The following ZBTB11 variants were observed in gnomAD, a reference collection of about 807,000 sequenced individuals.
The protein encoded by ZBTB11 is zinc finger and BTB domain containing 11, also known as zinc finger and BTB domain-containing protein 11.
In ZBTB11, 68 loss-of-function variants were observed where a neutral mutation model predicts 113.1. The observed-to-expected ratio is 0.60, with a 90% CI of 0.49 to 0.74. The LOEUF (loss-of-function observed/expected upper bound fraction) is 0.74, where lower values mean the gene tolerates loss of function less well. Ranked by LOEUF, ZBTB11 falls within the 30% of genes least tolerant of loss-of-function variation. The pLI, the probability that ZBTB11 is intolerant of heterozygous loss-of-function variation, is 0.00. For missense variants in ZBTB11, 1,104 were observed against 1,279.4 expected, an observed-to-expected ratio of 0.86 and a Z score of 2.09; for synonymous variants, 518 against 452.6, an observed-to-expected ratio of 1.14 and a Z score of -1.83.
rs1477220157 is a variant in ZBTB11 at position 101,676,676 on chromosome 3, A to T, written c.239T>A (p.Leu80Gln). The change falls in exon 1 of 11, where the codon CTG (leucine) becomes CAG (glutamine). Residue 80 changes from leucine (L) to glutamine (Q), a missense_variant. Around this residue, in one of 5 missense-constraint regions of ZBTB11, gnomAD observed 245 missense variants for 272.5 expected, o/e 0.90. Coordinates refer to ENST00000312938, the MANE Select transcript of ZBTB11 (RefSeq NM_014415.4). Reference sequence around the variant, plus strand: ...GGTGTGGTGAGTGCCGCCGGGACCCAGGTGCGCCGCCTCGATGAGGTCCCG... The same window carrying T: ...GGTGTGGTGAGTGCCGCCGGGACCCTGGTGCGCCGCCTCGATGAGGTCCCG... ...RRRDLIEAAH[L>Q]GPGGTHHTRH... 2 of 1,594,814 alleles carry T rather than the reference A, an allele frequency of 1.3e-6. No individual in the cohort carries two copies. The highest frequency in any genetic ancestry group is 2.2e-5 in the South Asian group (2 of 89,202).
chr3:101,652,311 A>C (rs781367913), intron 10 of ZBTB11, among the ~76,000 whole-genome samples, 185 bp downstream of exon 10: 1 of 152,186 alleles, frequency 6.6e-6, no homozygotes, highest in Non-Finnish European at 1.5e-5. Context: ...AATTAAGTTC[A>C]CTAAAAAAGG....
chr3:101,669,594 A>G (rs530832287), intron 3 of ZBTB11, among the ~76,000 whole-genome samples: 43 of 152,314 alleles, frequency 2.8e-4, no homozygotes, highest in Middle Eastern at 3.4e-3. Flanking sequence ...CAAAGCAAAC[A>G]TATCAAAAGA....
intron 1 of ZBTB11, among the ~76,000 whole-genome samples, chr3:101,674,003 A>AT (rs2108328789): frequency 6.6e-6 from 1 of 151,004 alleles, no homozygotes; most frequent in African/African-American, 2.4e-5. Context: ...TTAACCTAGG[A>AT]ATTTGTCAAA....
rs758744809 is a variant in ZBTB11, at chr3:101,676,953, G to C, written c.-39C>G. ...TCCCTGAGGGCGCCTGTCAGGGACA[G>C]GTGAGGAAAACGGCCCGCTACCTAC... On this transcript the variant is annotated 5_prime_UTR_variant, in exon 1 of 11. Coordinates refer to ENST00000312938, the MANE Select transcript of ZBTB11 (RefSeq NM_014415.4). 6 of 1,509,868 alleles carry C rather than the reference G, an allele frequency of 4.0e-6. No homozygotes were observed. Among genetic ancestry groups the C allele is most frequent in the Non-Finnish European group, 5.3e-6 (6 of 1,128,802 alleles). The allele number at this position is 1,509,868 out of a possible 1,614,324, so 93.5% of individuals were successfully genotyped here. A position where few individuals can be genotyped will look rare whatever the true frequency, so the allele number is the denominator to read the frequency against.
intron 1 of ZBTB11, among the ~76,000 whole-genome samples, chr3:101,672,493 T>C (rs966725484): frequency 6.6e-6 from 1 of 152,220 alleles, no homozygotes; most frequent in Admixed American, 6.5e-5. Context: ...TTCATGTGAG[T>C]TGCAATGTTT....
Position 101,667,047 on chromosome 3 carries a change from G to T in ZBTB11, c.779-1239C>A, listed in dbSNP as rs59106820. Among the ~76,000 whole-genome samples the T allele has an allele frequency of 4.4e-3, 663 of 152,250 alleles. 5 individuals carry two copies. The highest frequency in any genetic ancestry group is 0.014 in the African/African-American group (595 of 41,550). ...TTACAGGCGTGAGCCACCGCACTCG[G>T]CTTTCTTTTTTATTTAGGTACTTTG... On this transcript the variant is annotated intron_variant, in intron 3 of 10. Transcript: ENST00000312938.
At chr3:101,660,190 A>G (rs1031571371) in intron 5 of ZBTB11, among the ~76,000 whole-genome samples, 162 bp from the exon 6 acceptor site, 2 of 152,196 alleles carry the variant, frequency 1.3e-5, no homozygotes, top group Non-Finnish European at 2.9e-5. Flanking sequence ...AAGGGATAAG[A>G]CTCAATCCCT....
rs193065202 is a variant in ZBTB11, at chr3:101,670,070, C to T, written c.778+1060G>A. On this transcript the variant is annotated intron_variant, in intron 3 of 10. Coordinates refer to ENST00000312938, the MANE Select transcript of ZBTB11 (RefSeq NM_014415.4). ...CTCAAACCCATGACCTCAGGTGATC[C>T]GCCTGCCTCAGCCTCCCAAAGTGCT... 9.4e-3 allele frequency among the ~76,000 whole-genome samples: 1,431 copies of T among 152,226 alleles called. 18 individuals carry two copies. Among genetic ancestry groups the T allele is most frequent in the African/African-American group, 0.033 (1,357 of 41,528 alleles).
Position 101,676,855 on chromosome 3 carries a change from C to G in ZBTB11, c.60G>C (p.Pro20=). 6.2e-7 allele frequency: 1 copy of G among 1,610,276 alleles called. No homozygotes were observed. Among genetic ancestry groups the G allele is most frequent in the African/African-American group, 1.3e-5 (1 of 74,912 alleles). Residue 20 remains proline (P), a synonymous_variant, in exon 1 of 11, where the codon CCG becomes CCC. Transcript: ENST00000312938. The part of the protein sequence containing the change: ...ILRYLTNERE[P]YAPGTEGNVK... ...CATTGCCCTCGGTGCCCGGCGCATA[C>G]GGCTCGCGCTCGTTCGTCAGGTAAC...
rs1245733468 is a variant in ZBTB11, at chr3:101,665,384, A to G, written c.1203T>C (p.Cys401=). ...CCATTTCAGGATGGGAATCAGCTAT[A>G]CATCCTACTGATGACAGGGCAGATT... ...EAESALSSVG[C]IADSHPEMES... The change falls in exon 4 of 11, where the codon TGT becomes TGC. Residue 401 remains cysteine (C), a synonymous_variant. Coordinates refer to ENST00000312938, the MANE Select transcript of ZBTB11 (RefSeq NM_014415.4). The G allele has an allele frequency of 6.2e-7, 1 of 1,614,230 alleles. No individual in the cohort carries two copies. Among genetic ancestry groups the G allele is most frequent in the Non-Finnish European group, 8.5e-7 (1 of 1,180,032 alleles).
chr3:101,660,693 T>G (rs1333459308), intron 5 of ZBTB11, among the ~76,000 whole-genome samples: 2 of 152,226 alleles, frequency 1.3e-5, no homozygotes, highest in Admixed American at 6.5e-5. Context: ...GATATGTAAA[T>G]GATTTCCATT....
At chr3:101,653,037 G>C in intron 8 of ZBTB11, 99 bp from the exon 9 acceptor site, 1 of 1,275,078 alleles carries the variant, frequency 7.8e-7, no homozygotes, top group Non-Finnish European at 1.1e-6. Flanking sequence ...AACTCCAAAA[G>C]ATGATCTCAA....
Position 101,651,499 on chromosome 3 carries a change from G to T in ZBTB11, c.2829C>A (p.Cys943Ter). Reference sequence around the variant, plus strand: ...GGGTGTCTTTTTCCAGCATAATTTTGCAAGGCACATAGTCTCTGTGGAATT... The same window carrying T: ...GGGTGTCTTTTTCCAGCATAATTTTTCAAGGCACATAGTCTCTGTGGAATT... ...MTKFHRDYVP[C>*]KIMLEKDTLQ... is the part of the protein sequence containing the mutation. The change falls in exon 11 of 11, where the codon TGC becomes TGA. Residue 943 changes from cysteine to a stop codon, truncating the protein, a stop_gained. Coordinates refer to ENST00000312938, the MANE Select transcript of ZBTB11 (RefSeq NM_014415.4). LOFTEE classifies it high-confidence loss of function. 1 of 1,614,096 alleles carries T rather than the reference G, an allele frequency of 6.2e-7. No individual in the cohort carries two copies.
rs755471342 is a variant in ZBTB11, at chr3:101,665,639, T to C, written c.948A>G (p.Leu316=). ...SVHKLMEEKQ[L]TVYKKGEVQT... is the part of the protein sequence containing the mutation. ...GTACTTCGCCCTTCTTATATACTGT[T>C]AGCTGCTTCTCTTCCATTAGCTTAT... Residue 316 remains leucine, a synonymous_variant, in exon 4 of 11, where the codon CTA becomes CTG. Coordinates refer to ENST00000312938, the MANE Select transcript of ZBTB11 (RefSeq NM_014415.4). The C allele has an allele frequency of 6.2e-7, 1 of 1,614,238 alleles. No individual in the cohort carries two copies. Among genetic ancestry groups the C allele is most frequent in the Non-Finnish European group, 8.5e-7 (1 of 1,180,032 alleles).
chr3:101,659,819 C>T lies in ZBTB11; in HGVS notation c.2010G>A (p.Met670Ile). 6.2e-7 allele frequency: 1 copy of T among 1,614,202 alleles called. No homozygotes were observed. Among genetic ancestry groups the T allele is most frequent in the South Asian group, 1.1e-5 (1 of 91,088 alleles). Residue 670 changes from methionine (M) to isoleucine (I), a missense_variant, in exon 6 of 11, where the codon ATG (methionine) becomes ATA (isoleucine). Physicochemically the swap from Met to Ile is conservative, Grantham distance 10. Coordinates refer to ENST00000312938, the MANE Select transcript of ZBTB11 (RefSeq NM_014415.4). ...GTGGCTTTACACCTGTGTGCTTTAA[C>T]ATATGTATTCGGAGAGAATATAATT... is the stretch of plus-strand genomic sequence containing the variant. ...LPKLYSLRIH[M>I]LKHTGVKPHA...
In ZBTB11 at chr3:101,665,465, A is replaced by G; in HGVS notation, c.1122T>C (p.Ala374=). The G allele has an allele frequency of 6.2e-7, 1 of 1,614,196 alleles. No individual in the cohort carries two copies. The highest frequency in any genetic ancestry group is 1.1e-5 in the South Asian group (1 of 91,090). Reference sequence around the variant, plus strand: ...GTCGTCCTACCTCTCCATTCTGCTCAGCTTCTGGCAATTCTCCATTTACCA... The same window carrying G: ...GTCGTCCTACCTCTCCATTCTGCTCGGCTTCTGGCAATTCTCCATTTACCA... ...VLLVNGELPE[A]EQNGEVGRQP... is the part of the protein sequence containing the mutation. The change falls in exon 4 of 11, where the codon GCT becomes GCC. Residue 374 remains alanine (A), a synonymous_variant. Coordinates refer to ENST00000312938, the MANE Select transcript of ZBTB11 (RefSeq NM_014415.4).
intron 3 of ZBTB11, among the ~76,000 whole-genome samples, chr3:101,668,620 CAA>C (rs35363315): frequency 2.7e-4 from 32 of 117,678 alleles, no homozygotes; most frequent in African/African-American, 7.3e-4. Flanking sequence ...AAGATTCTGT[CAA>C]AAAAAAAAAA....
chr3:101,651,420 C>T lies in ZBTB11; in HGVS notation c.2908G>A (p.Ala970Thr). 5 of 1,614,174 alleles carry T rather than the reference C, an allele frequency of 3.1e-6. No individual in the cohort carries two copies. In the South Asian group the frequency reaches 4.4e-5, roughly 14 times the overall value. The part of the protein sequence containing the change: ...QVAHAVSILT[A>T]GMQEQESSGP... Reference sequence around the variant, plus strand: ...CTGCTTTCTTGTTCCTGCATGCCTGCTGTTAAGATGCTAACAGCATGTGCC... The same window carrying T: ...CTGCTTTCTTGTTCCTGCATGCCTGTTGTTAAGATGCTAACAGCATGTGCC... Residue 970 changes from alanine (A) to threonine (T), a missense_variant, in exon 11 of 11, where the codon GCA becomes ACA. Transcript: ENST00000312938.
rs1041966107 is a variant in ZBTB11 at position 101,651,432 on chromosome 3, T to C, written c.2896A>G (p.Ser966Gly). 3 of 1,614,082 alleles carry C rather than the reference T, an allele frequency of 1.9e-6. No individual in the cohort carries two copies. The stretch of plus-strand genomic sequence containing the variant: ...TCCTGCATGCCTGCTGTTAAGATGC[T>C]AACAGCATGTGCCACTTGAGTTCCT... Reference protein sequence around the residue: ...NQGTQVAHAVSILTAGMQEQE... With the variant: ...NQGTQVAHAVGILTAGMQEQE... The change falls in exon 11 of 11, where the codon AGC becomes GGC. Residue 966 changes from serine to glycine, a missense_variant. Ser to Gly is a moderately conservative substitution (Grantham distance 56). Around this residue, in one of 5 missense-constraint regions of ZBTB11, gnomAD observed 148 missense variants for 259.3 expected, o/e 0.57. Coordinates refer to ENST00000312938, the MANE Select transcript of ZBTB11 (RefSeq NM_014415.4).
Sources: gnomAD v4.1 joint callset for allele counts (sites outside exome capture counted in the v4.1 genomes callset) on GRCh38, gnomAD v4.1.1 for gene constraint, gnomAD v4.1.1 regional missense constraint, MANE v1.5 for transcripts, NCBI Gene and HGNC (gene_info 2026-07-23, HGNC 2026-07-21) for gene names.